The following HSD11B1 variants were observed in gnomAD, a reference collection of about 807,000 sequenced individuals.
HSD11B1 encodes the protein hydroxysteroid 11-beta dehydrogenase 1.
In HSD11B1, 15 loss-of-function variants were observed where a neutral mutation model predicts 22.1. The ratio of observed to expected loss-of-function variants is 0.68; its 90% CI spans 0.45 to 1.04. The LOEUF (loss-of-function observed/expected upper bound fraction) is 1.04, where lower values mean the gene tolerates loss of function less well. Among genes scored for constraint, HSD11B1 ranks in the 50% least tolerant of loss-of-function variants. The pLI is 0.00. For synonymous variants in HSD11B1, 122 were observed against 125.2 expected, an observed-to-expected ratio of 0.97 and a Z score of 0.17; for missense variants, 281 against 357.6, an observed-to-expected ratio of 0.79 and a Z score of 1.73.
intron 4 of HSD11B1, among the ~76,000 whole-genome samples, chr1:209,718,184 A>AG (rs2076942223): frequency 1.3e-5 from 2 of 152,316 alleles, no homozygotes; most frequent in South Asian, 4.1e-4. Flanking sequence ...TCGATAGTAG[A>AG]GTGACTATAG....
At chr1:209,709,476 T>G (rs1035824152) in intron 4 of HSD11B1, among the ~76,000 whole-genome samples, 3 of 152,212 alleles carry the variant, frequency 2.0e-5, no homozygotes, top group South Asian at 2.1e-4. Context: ...AGTTAGGATG[T>G]AAGTTCAGCT....
rs147966673 is a variant in HSD11B1, at chr1:209,693,351, G to C, written c.-49+7066G>C. Among the ~76,000 whole-genome samples, 3 of 152,358 alleles carry C rather than the reference G, an allele frequency of 2.0e-5. No homozygotes were observed. The East Asian group carries it at 5.8e-4, about 29-fold the overall frequency. On this transcript the variant is annotated intron_variant, in intron 1 of 6. Transcript: ENST00000261465. ...TGCTGTGGTCAATACTGAGGAAGAG[G>C]AGACATTTGAGAATTTAAGTTCCCA...
chr1:209,719,011 C>G (rs553606597), intron 4 of HSD11B1, among the ~76,000 whole-genome samples: 2 of 4,762 alleles, frequency 4.2e-4, no homozygotes, highest in East Asian at 0.042. Flanking sequence ...CACAGTGAGA[C>G]TCCATCTCAA....
In HSD11B1 at chr1:209,706,984, T is replaced by A; in HGVS notation, c.373T>A (p.Ser125Thr). 1 of 1,614,082 alleles carries A rather than the reference T, an allele frequency of 6.2e-7. No individual in the cohort carries two copies. The highest frequency in any genetic ancestry group is 8.5e-7 in the Non-Finnish European group (1 of 1,179,982). The stretch of plus-strand genomic sequence containing the variant: ...CATTCTCAACCACATCACCAACACT[T>A]CTTTGAATCTTTTTCATGATGATAT... ...MLILNHITNTSLNLFHDDIHH... is the reference protein window; with the variant it reads ...MLILNHITNTTLNLFHDDIHH... The change falls in exon 4 of 6, where the codon TCT (serine) becomes ACT (threonine). Residue 125 changes from serine (S) to threonine (T), a missense_variant. Physicochemically the swap from Ser to Thr is moderately conservative, Grantham distance 58. Coordinates refer to ENST00000367027, the MANE Select transcript of HSD11B1 (RefSeq NM_005525.4). The surrounding 1 kb of genome is among the most constrained non-coding windows in gnomAD (Gnocchi z 4.0).
At position 209,691,095 on chromosome 1, in the gene HSD11B1, G is replaced by A. The variant is rs151080704; in HGVS notation, c.-49+4810G>A. Among the ~76,000 whole-genome samples, 865 of 152,230 alleles carry A rather than the reference G, an allele frequency of 5.7e-3. 9 individuals carry two copies. The highest frequency in any genetic ancestry group is 0.02 in the African/African-American group (839 of 41,522). On this transcript the variant is annotated intron_variant, in intron 1 of 6. Coordinates refer to the HSD11B1 transcript ENST00000261465. ...GAAAGAAAAATAGTTCACAAACCAA[G>A]GGTCAGAAATCTGAACAGCAGTTGG...
At position 209,706,636 on chromosome 1, in the gene HSD11B1, C is replaced by T; in HGVS notation, c.220-73C>T. 4 of 948,050 alleles carry T rather than the reference C, an allele frequency of 4.2e-6. No homozygotes were observed. The highest frequency in any genetic ancestry group is 7.0e-6 in the Non-Finnish European group (4 of 574,740). The allele number at this position is 948,050 out of a possible 1,614,324, so 58.7% of individuals were successfully genotyped here. On this transcript the variant is annotated intron_variant, in intron 2 of 5. Transcript: ENST00000367027. The surrounding 1 kb of genome is among the most constrained non-coding windows in gnomAD (Gnocchi z 4.0). ...CTGTGAGCAATCTCTCATTTAAGCCCCCCGTTACTTCAGAGACTACCCCCC... is the reference window on the plus strand; with the variant it reads ...CTGTGAGCAATCTCTCATTTAAGCCTCCCGTTACTTCAGAGACTACCCCCC...
intron 4 of HSD11B1, among the ~76,000 whole-genome samples, chr1:209,719,019 C>CAAGAAAAAAAAAAA (rs2076948069): frequency 2.8e-5 from 1 of 35,710 alleles, no homozygotes; most frequent in Non-Finnish European, 4.6e-5. Context: ...GACTCCATCT[C>CAAGAAAAAAAAAAA]AAAAAAAAAA....
intron 1 of HSD11B1, among the ~76,000 whole-genome samples, chr1:209,687,474 CTAATT>C (rs1330197988): frequency 2.0e-5 from 3 of 152,200 alleles, no homozygotes; most frequent in Non-Finnish European, 4.4e-5. Context: ...TTTCTTTATA[CTAATT>C]TGAGTACAGC....
intron 1 of HSD11B1, among the ~76,000 whole-genome samples, chr1:209,690,742 A>G (rs2076754947): frequency 6.6e-6 from 1 of 152,214 alleles, no homozygotes; most frequent in African/African-American, 2.4e-5. Context: ...GCATTGGAAG[A>G]TAAAATTGAG....
At chr1:209,716,370 G>C (rs2076930278) in intron 4 of HSD11B1, among the ~76,000 whole-genome samples, 2 of 150,076 alleles carry the variant, frequency 1.3e-5, no homozygotes, top group Admixed American at 1.3e-4. Context: ...TTTAACCGAG[G>C]AGGTGAAAGA....
intron 1 of HSD11B1, 144 bp from the exon 2 acceptor site, chr1:209,705,667 T>C: frequency 1.0e-6 from 1 of 988,188 alleles, no homozygotes; most frequent in Non-Finnish European, 1.6e-6. Context: ...GTTCCCACAG[T>C]GATTTACGGA....
chr1:209,689,989 T>A (rs149468052), intron 1 of HSD11B1, among the ~76,000 whole-genome samples: 257 of 152,336 alleles, frequency 1.7e-3, no homozygotes, highest in African/African-American at 5.9e-3. Flanking sequence ...AGATATTTCA[T>A]GAATTATGAT....
intron 4 of HSD11B1, among the ~76,000 whole-genome samples, chr1:209,726,381 T>G (rs1412683950): frequency 6.6e-6 from 1 of 150,980 alleles, no homozygotes; most frequent in Admixed American, 6.6e-5. Flanking sequence ...GGCAGGAGGA[T>G]CACTTGATGC....
At chr1:209,714,957 A>T (rs781038214) in intron 4 of HSD11B1, among the ~76,000 whole-genome samples, 1 of 152,172 alleles carries the variant, frequency 6.6e-6, no homozygotes, top group Admixed American at 6.5e-5. Flanking sequence ...GGCACCTGGC[A>T]CAGGGCATCA....
intron 4 of HSD11B1, among the ~76,000 whole-genome samples, chr1:209,716,977 T>C (rs1446592606): frequency 6.6e-6 from 1 of 152,110 alleles, no homozygotes; most frequent in Non-Finnish European, 1.5e-5. Context: ...GGGAGAACAT[T>C]CCATGACATT....
chr1:209,707,071 G>A lies in HSD11B1; in HGVS notation c.460G>A (p.Ala154Thr). Residue 154 changes from alanine to threonine, a missense_variant, in exon 4 of 6, where the codon GCC (alanine) becomes ACC (threonine). By Grantham distance (58) the Ala-to-Thr change is moderately conservative. Transcript: ENST00000367027. ...CAGTTACGTGGTCCTGACTGTAGCT[G>A]CCTTGCCCATGCTGAAGCAGAGCAA... is the stretch of plus-strand genomic sequence containing the variant. ...FLSYVVLTVA[A>T]LPMLKQSNGS... 2 of 1,614,114 alleles carry A rather than the reference G, an allele frequency of 1.2e-6. No homozygotes were observed. The highest frequency in any genetic ancestry group is 1.7e-6 in the Non-Finnish European group (2 of 1,179,994).
chr1:209,732,584 G>C lies in HSD11B1; in HGVS notation c.661+5G>C. 2 of 1,611,678 alleles carry C rather than the reference G, an allele frequency of 1.2e-6. No homozygotes were observed. The highest frequency in any genetic ancestry group is 1.7e-6 in the Non-Finnish European group (2 of 1,177,952). ...TTCTTGGCCTCATAGACACAGGTAA[G>C]GTCAATACTTTGTGTTTTTTTTTAA... On this transcript the variant is annotated splice_donor_5th_base_variant and intron_variant, in intron 5 of 5. Coordinates refer to ENST00000367027, the MANE Select transcript of HSD11B1 (RefSeq NM_005525.4).
chr1:209,694,125 C>T (rs189227003), intron 1 of HSD11B1, among the ~76,000 whole-genome samples: 1 of 152,320 alleles, frequency 6.6e-6, no homozygotes, highest in Admixed American at 6.5e-5. Flanking sequence ...TCATCTACTC[C>T]TATGGTTGCA....
intron 4 of HSD11B1, among the ~76,000 whole-genome samples, chr1:209,722,100 CCTTCA>C (rs986432242): frequency 1.1e-4 from 16 of 152,102 alleles, no homozygotes; most frequent in African/African-American, 3.9e-4. Context: ...TTGGGCCCAC[CCTTCA>C]ACTGTGGATG....
Sources: allele counts gnomAD v4.1 joint callset (sites outside exome capture counted in the v4.1 genomes callset), GRCh38; gene constraint gnomAD v4.1.1; non-coding constraint Gnocchi (gnomAD v3.1); transcripts MANE v1.5; gene names NCBI Gene and HGNC (gene_info 2026-07-23, HGNC 2026-07-21).